Variants in PCA3 observed in about 807,000 individuals in gnomAD.
The protein encoded by PCA3 is prostate cancer associated 3, also known as Differential Display code 3.
At chr9:76,783,952 T>C (rs556132324) in intron 2 of PCA3, 4 of 152,336 alleles carry the variant, frequency 2.6e-5, no homozygotes, top group African/African-American at 9.6e-5. Flanking sequence ...GTTCCTCTAC[T>C]CGTTTCTATC....
At chr9:76,770,026 A>T (rs1457419075) in intron 2 of PCA3, among the ~76,000 whole-genome samples, 1 of 152,248 alleles carries the variant, frequency 6.6e-6, no homozygotes, top group African/African-American at 2.4e-5. Flanking sequence ...AAAATTTATT[A>T]GCATCATAAC....
chr9:76,780,012 G>A lies in PCA3; in HGVS notation n.853-28571G>A, dbSNP rs554964533. The A allele has an allele frequency of 2.6e-5, 4 of 152,244 alleles. No individual in the cohort carries two copies. In the South Asian group the frequency reaches 6.2e-4, roughly 24 times the overall value. 9.4% of individuals were successfully genotyped at this position (152,244 alleles called of 1,614,324 possible). ...ATTCTCGTAACTAGTAAAATCCATC[G>A]TCAGACAAGGACCCTTGATTTCATA... On this transcript the variant is annotated intron_variant and non_coding_transcript_variant, in intron 2 of 5. Coordinates refer to ENST00000644657, the Ensembl canonical transcript of PCA3.
chr9:76,786,674 A>G (rs983765583), intron 2 of PCA3: 2 of 152,188 alleles, frequency 1.3e-5, no homozygotes, highest in African/African-American at 4.8e-5. Context: ...CCCCACCACT[A>G]ACCTGAATGC....
chr9:76,787,058 T>C (rs2055060003), intron 2 of PCA3: 1 of 152,214 alleles, frequency 6.6e-6, no homozygotes, highest in Admixed American at 6.5e-5. Flanking sequence ...TGAAGATCCA[T>C]AGAATTTGCT....
At chr9:76,783,497 C>G (rs577887885) in intron 2 of PCA3, among the ~76,000 whole-genome samples, 1 of 152,286 alleles carries the variant, frequency 6.6e-6, no homozygotes, top group South Asian at 2.1e-4. Flanking sequence ...GTGTCAGGCA[C>G]TGCACTAGTG....
chr9:76,785,147 T>G (rs1433956646), intron 2 of PCA3: 1 of 152,232 alleles, frequency 6.6e-6, no homozygotes, highest in Non-Finnish European at 1.5e-5. Context: ...CCCATGCACC[T>G]AAACAAAATC....
intron 2 of PCA3, among the ~76,000 whole-genome samples, chr9:76,774,420 G>C (rs980954674): frequency 7.1e-6 from 1 of 140,508 alleles, no homozygotes; most frequent in African/African-American, 2.9e-5. Flanking sequence ...TTAGAGGCAT[G>C]AGCCATCGTT....
At chr9:76,774,450 C>CTTTTTTTATTTATTTATTTTT (rs1564272256) in intron 2 of PCA3, among the ~76,000 whole-genome samples, 3 of 41,402 alleles carry the variant, frequency 7.2e-5, no homozygotes, top group Non-Finnish European at 7.8e-5. Flanking sequence ...CAGTTCAACC[C>CTTTTTTTATTTATTTATTTTT]TTTTTTTTTT....
rs543170072 is a variant in PCA3, at chr9:76,772,421, C to T, written n.852+35806C>T. ...AGGTTGGGGCATAACCAATCACTTGCTACGTAGTCTTGAAACTCTGGGAAC... is the reference window on the plus strand; with the variant it reads ...AGGTTGGGGCATAACCAATCACTTGTTACGTAGTCTTGAAACTCTGGGAAC... On this transcript the variant is annotated intron_variant and non_coding_transcript_variant, in intron 2 of 5. Transcript: ENST00000644657. Among the ~76,000 whole-genome samples the T allele has an allele frequency of 2.6e-5, 4 of 152,192 alleles. No homozygotes were observed. In the South Asian group the frequency reaches 6.2e-4, roughly 24 times the overall value.
At chr9:76,766,875 A>G (rs1451119167) in intron 2 of PCA3, among the ~76,000 whole-genome samples, 1 of 152,068 alleles carries the variant, frequency 6.6e-6, no homozygotes, top group Non-Finnish European at 1.5e-5. Context: ...GTCACTGTCA[A>G]CTCATACACA....
intron 2 of PCA3, among the ~76,000 whole-genome samples, chr9:76,782,101 C>G (rs2054477566): frequency 1.3e-5 from 2 of 152,096 alleles, no homozygotes; most frequent in Admixed American, 1.3e-4. Flanking sequence ...GTAGTCCCAG[C>G]TACTGGGGAG....
chr9:76,769,271 T>C (rs1406422508), intron 2 of PCA3, among the ~76,000 whole-genome samples: 2 of 152,246 alleles, frequency 1.3e-5, no homozygotes, highest in African/African-American at 4.8e-5. Flanking sequence ...AACAATTTTT[T>C]ACTTCAATAC....
At chr9:76,783,218 C>A (rs982024072) in intron 2 of PCA3, among the ~76,000 whole-genome samples, 19 of 152,198 alleles carry the variant, frequency 1.2e-4, no homozygotes, top group African/African-American at 4.1e-4. Context: ...CTCACTGCAA[C>A]CTCCGCCTCC....
At chr9:76,782,030 C>T (rs1443569081) in intron 2 of PCA3, among the ~76,000 whole-genome samples, 2 of 152,100 alleles carry the variant, frequency 1.3e-5, no homozygotes, top group South Asian at 2.1e-4. Context: ...CTGGCTAACA[C>T]GGTGAAACCC....
At chr9:76,775,959 C>CA (rs11401961) in intron 2 of PCA3, among the ~76,000 whole-genome samples, 44,890 of 151,976 alleles carry the variant, frequency 0.3, 6,856 homozygotes, top group East Asian at 0.48. Context: ...TATTTCCTTC[C>CA]AAAAAATTCC....
intron 2 of PCA3, among the ~76,000 whole-genome samples, chr9:76,775,174 T>G (rs2053602866): frequency 6.6e-6 from 1 of 152,236 alleles, no homozygotes; most frequent in African/African-American, 2.4e-5. Context: ...ACTAACCATC[T>G]GTGTGAAACA....
At chr9:76,774,459 T>TTATTTATTTATTTATTTA (rs2053502173) in intron 2 of PCA3, among the ~76,000 whole-genome samples, 1 of 139,036 alleles carries the variant, frequency 7.2e-6, no homozygotes. Flanking sequence ...CCTTTTTTTT[T>TTATTTATTTATTTATTTA]TTTTTTTTTT....
At chr9:76,767,185 G>C (rs1026801634) in intron 2 of PCA3, among the ~76,000 whole-genome samples, 2 of 152,190 alleles carry the variant, frequency 1.3e-5, no homozygotes, top group Middle Eastern at 3.4e-3. Flanking sequence ...GGCACTGTGG[G>C]TCACGCCTGT....
At chr9:76,768,577 A>G (rs935964264) in intron 2 of PCA3, among the ~76,000 whole-genome samples, 5 of 98,072 alleles carry the variant, frequency 5.1e-5, no homozygotes, top group South Asian at 4.6e-4. Flanking sequence ...ATATATATGT[A>G]TATGTATGTG....
Sources: gnomAD v4.1 joint callset for allele counts (sites outside exome capture counted in the v4.1 genomes callset) on GRCh38, gnomAD v4.1.1 for gene constraint, MANE v1.5 for transcripts, NCBI Gene and HGNC (gene_info 2026-07-23, HGNC 2026-07-21) for gene names.